The following ARHGAP8 variants were observed in gnomAD, a reference collection of about 807,000 sequenced individuals.
ARHGAP8 encodes the protein rho GTPase-activating protein 8.
Under a neutral mutation model 46.1 loss-of-function variants are expected in ARHGAP8, and 62 were observed. The ratio of observed to expected loss-of-function variants is 1.34; its 90% confidence interval spans 1.10 to 1.66. ARHGAP8 has a LOEUF of 1.66. Ranked by LOEUF, ARHGAP8 falls within the 40% of genes most tolerant of loss-of-function variation. The probability of loss-of-function intolerance (pLI) is 0.00; values close to 1 mark genes in which losing one functional copy is unlikely to be tolerated. For synonymous variants in ARHGAP8, 375 were observed against 243.1 expected (o/e 1.54, Z -5.05); for missense variants, 923 against 568.4 (o/e 1.62, Z -6.34).
At chr22:44,794,571 A>T (rs148390043) in intron 2 of ARHGAP8, among the ~76,000 whole-genome samples, 4 of 152,056 alleles carry the variant, frequency 2.6e-5, no homozygotes, top group Admixed American at 1.3e-4. Context: ...TTAGCCAGGC[A>T]TGGTGGTGCG....
chr22:44,770,289 C>T (rs1460491757), intron 1 of ARHGAP8, among the ~76,000 whole-genome samples: 2 of 151,956 alleles, frequency 1.3e-5, no homozygotes, highest in Admixed American at 6.6e-5. Context: ...GAAAATTCTC[C>T]TTGTCTGCTG....
intron 2 of ARHGAP8, among the ~76,000 whole-genome samples, chr22:44,795,838 C>T (rs1016881492): frequency 6.6e-6 from 1 of 152,136 alleles, no homozygotes; most frequent in Non-Finnish European, 1.5e-5. Flanking sequence ...GCTCCTCCCA[C>T]AAGCCTCCCA....
Position 44,826,065 on chromosome 22 carries a change from A to G in ARHGAP8, c.596+472A>G, listed in dbSNP as rs551834918. Among the ~76,000 whole-genome samples the G allele has an allele frequency of 2.2e-3, 341 of 151,958 alleles. 2 individuals are homozygous for G. Among genetic ancestry groups the G allele is most frequent in the African/African-American group, 7.8e-3 (325 of 41,432 alleles). ...CCCTCCGGGTACACAGACACTTCCCACCACCTTCAAGGAGGGCGTGGTCAT... is the reference window on the plus strand; with the variant it reads ...CCCTCCGGGTACACAGACACTTCCCGCCACCTTCAAGGAGGGCGTGGTCAT... On this transcript the variant is annotated intron_variant, in intron 7 of 11. Transcript: ENST00000356099.
chr22:44,847,109 G>T (rs778654001), intron 8 of ARHGAP8, among the ~76,000 whole-genome samples: 1 of 152,166 alleles, frequency 6.6e-6, no homozygotes, highest in Non-Finnish European at 1.5e-5. Flanking sequence ...AGATGCCTGC[G>T]CCACAGTCCT....
At chr22:44,845,819 C>G (rs901558821) in intron 8 of ARHGAP8, among the ~76,000 whole-genome samples, 1 of 152,138 alleles carries the variant, frequency 6.6e-6, no homozygotes, top group Non-Finnish European at 1.5e-5. Flanking sequence ...GCTCCTGAGG[C>G]TAGAACTGAG....
intron 1 of ARHGAP8, among the ~76,000 whole-genome samples, chr22:44,779,927 C>T (rs1009730145): frequency 5.3e-5 from 8 of 152,098 alleles, no homozygotes; most frequent in African/African-American, 1.7e-4. Flanking sequence ...TCCTCAAACC[C>T]TGCGGGCTTG....
intron 7 of ARHGAP8, among the ~76,000 whole-genome samples, 154 bp downstream of exon 7, chr22:44,825,747 C>G (rs889237285): frequency 6.6e-6 from 1 of 151,394 alleles, no homozygotes; most frequent in Middle Eastern, 3.4e-3. Flanking sequence ...TCACTGAGGC[C>G]GTGGCTCGCT....
At chr22:44,766,729 G>A (rs2147002019) in intron 1 of ARHGAP8, among the ~76,000 whole-genome samples, 1 of 152,258 alleles carries the variant, frequency 6.6e-6, no homozygotes, top group South Asian at 2.1e-4. Flanking sequence ...CTGGGCTCTG[G>A]CAATGCTCTG....
Position 44,786,415 on chromosome 22 carries a change from A to T in ARHGAP8, c.-71-42A>T, listed in dbSNP as rs9306486. 6,546 of 1,549,314 alleles carry T rather than the reference A, an allele frequency of 4.2e-3. 233 individuals are homozygous for T. In the African/African-American group the frequency reaches 0.079, roughly 19 times the overall value. On this transcript the variant is annotated intron_variant, in intron 1 of 11. Transcript: ENST00000356099. ...AGGAGGCTCCCTCATTCCCCGCCTT[A>T]CTGGAGAATGCACTGACTTCCTTTA...
At chr22:44,771,313 C>G (rs1254600290) in intron 1 of ARHGAP8, among the ~76,000 whole-genome samples, 2 of 130,800 alleles carry the variant, frequency 1.5e-5, no homozygotes, top group Non-Finnish European at 3.1e-5. Context: ...ATGCCATGAT[C>G]TCGGCTCACT....
chr22:44,849,001 G>A lies in ARHGAP8; in HGVS notation c.818G>A (p.Arg273Gln), dbSNP rs373604411. 1.5e-5 allele frequency: 24 copies of A among 1,613,994 alleles called. No homozygotes were observed. Among genetic ancestry groups the A allele is most frequent in the Middle Eastern group, 1.6e-4 (1 of 6,084 alleles). The change falls in exon 10 of 12, where the codon CGA becomes CAA. Residue 273 changes from arginine to glutamine, a missense_variant. Coordinates refer to ENST00000356099, the MANE Select transcript of ARHGAP8 (RefSeq NM_181335.3). Reference sequence around the variant, plus strand: ...GCCGTGATCCTGAAGACCTTCCTGCGAGAGCTGCCCCAGCCGCTTCTGACC... The same window carrying A: ...GCCGTGATCCTGAAGACCTTCCTGCAAGAGCTGCCCCAGCCGCTTCTGACC... ...IPAVILKTFL[R>Q]ELPQPLLTFQ... is the part of the protein sequence containing the mutation.
chr22:44,854,055 A>T (rs567388107), intron 10 of ARHGAP8, among the ~76,000 whole-genome samples: 3 of 127,174 alleles, frequency 2.4e-5, no homozygotes, highest in Admixed American at 8.4e-5. Context: ...AAAAAAAAAA[A>T]AAAAAAACCA....
rs141688811 is a variant in ARHGAP8 at position 44,862,537 on chromosome 22, G to A, written c.1244G>A (p.Gly415Asp). The A allele has an allele frequency of 5.0e-6, 8 of 1,606,946 alleles. No individual in the cohort carries two copies. The highest frequency in any genetic ancestry group is 3.3e-5 in the Admixed American group (2 of 59,796). The change falls in exon 12 of 12, where the codon GGC (glycine) becomes GAC (aspartate). Residue 415 changes from glycine to aspartate, a missense_variant. By Grantham distance (94) the Gly-to-Asp change is moderately conservative (BLOSUM62 -1). Transcript: ENST00000356099. The part of the protein sequence containing the change: ...QEAVPRTQAT[G>D]LTKPTLPPSP... ...GCTGTGCCACGGACACAAGCCACGG[G>A]CCTCACCAAGCCTACCCTACCTCCG...
intron 5 of ARHGAP8, among the ~76,000 whole-genome samples, chr22:44,816,395 C>T (rs1929744695): frequency 6.6e-6 from 1 of 152,140 alleles, no homozygotes; most frequent in Admixed American, 6.5e-5. Context: ...TGTCTTCCCA[C>T]CAGCCGTCTC....
intron 1 of ARHGAP8, among the ~76,000 whole-genome samples, chr22:44,783,198 A>T (rs1251839503): frequency 1.3e-5 from 2 of 151,970 alleles, no homozygotes; most frequent in East Asian, 3.9e-4. Context: ...AGTCCTCCCC[A>T]CGTTCAAGGT....
intron 7 of ARHGAP8, among the ~76,000 whole-genome samples, chr22:44,839,717 C>G (rs964078250): frequency 2.0e-5 from 3 of 152,228 alleles, no homozygotes; most frequent in Non-Finnish European, 4.4e-5. Context: ...GGAGGAAAGA[C>G]TTCACACTCA....
In ARHGAP8 at chr22:44,782,902, C is replaced by T. The variant is rs538552539; in HGVS notation, c.-71-3555C>T. Among the ~76,000 whole-genome samples, 77 of 152,222 alleles carry T rather than the reference C, an allele frequency of 5.1e-4. 1 individual carries two copies. Among genetic ancestry groups the T allele is most frequent in the African/African-American group, 1.9e-3 (77 of 41,538 alleles). On this transcript the variant is annotated intron_variant, in intron 1 of 11. Transcript: ENST00000356099. ...TTCTGGGGAGCTGCCACGCTGTTTT[C>T]CACGGCACGCTTTAGCACTGAAACA...
chr22:44,843,545 C>G (rs988552046), intron 7 of ARHGAP8, among the ~76,000 whole-genome samples: 1 of 152,060 alleles, frequency 6.6e-6, no homozygotes, highest in Admixed American at 6.5e-5. Context: ...ATTATAAAGA[C>G]AGGCCTGGCC....
At chr22:44,825,783 G>A (rs117124773) in intron 7 of ARHGAP8, among the ~76,000 whole-genome samples, 190 bp downstream of exon 7, 8,534 of 148,130 alleles carry the variant, frequency 0.058, 325 homozygotes, top group Middle Eastern at 0.087. Context: ...GGGGGGGCGC[G>A]TGCTCGCTGC....
Sources: gnomAD v4.1 joint callset for allele counts (sites outside exome capture counted in the v4.1 genomes callset) on GRCh38, gnomAD v4.1.1 for gene constraint, MANE v1.5 for transcripts, NCBI Gene and HGNC (gene_info 2026-07-23, HGNC 2026-07-21) for gene names.